The following SLC25A12 variants were observed in gnomAD, a reference collection of about 807,000 sequenced individuals.
The protein encoded by SLC25A12 is solute carrier family 25 member 12.
Under a neutral mutation model 83.3 loss-of-function variants are expected in SLC25A12, and 32 were observed. The observed-to-expected ratio is 0.38, with a 90% CI of 0.29 to 0.52. SLC25A12 has a LOEUF of 0.52. SLC25A12 is among the 20% of genes least tolerant of loss of function. The pLI is 0.84. For synonymous variants in SLC25A12, 267 were observed against 291.1 expected, an observed-to-expected ratio of 0.92 and a Z score of 0.84; for missense variants, 611 against 835.6, an observed-to-expected ratio of 0.73 and a Z score of 3.31.
At chr2:171,843,940 C>T (rs902716101) in intron 5 of SLC25A12, among the ~76,000 whole-genome samples, 2 of 151,860 alleles carry the variant, frequency 1.3e-5, no homozygotes, top group Admixed American at 6.6e-5. Context: ...GGACTACAGG[C>T]GCCCGCCACC....
chr2:171,832,507 G>A (rs1684462785), intron 8 of SLC25A12, among the ~76,000 whole-genome samples: 1 of 152,130 alleles, frequency 6.6e-6, no homozygotes, highest in African/African-American at 2.4e-5. Flanking sequence ...TCAGCCAACT[G>A]GATTGGAAGC....
intron 3 of SLC25A12, among the ~76,000 whole-genome samples, chr2:171,868,407 G>A (rs1456929456): frequency 6.8e-6 from 1 of 146,114 alleles, no homozygotes; most frequent in Non-Finnish European, 1.5e-5. Flanking sequence ...TCCACCTCCC[G>A]GATTCAAGCG....
chr2:171,815,953 T>C (rs1275001167), intron 9 of SLC25A12, among the ~76,000 whole-genome samples: 1 of 151,778 alleles, frequency 6.6e-6, no homozygotes, highest in Non-Finnish European at 1.5e-5. Flanking sequence ...CATTATAAAA[T>C]TACACATAAG....
chr2:171,837,529 AG>A (rs1684584741), intron 5 of SLC25A12, among the ~76,000 whole-genome samples: 1 of 152,238 alleles, frequency 6.6e-6, no homozygotes, highest in Non-Finnish European at 1.5e-5. Flanking sequence ...AATAACCCTT[AG>A]ATTTTACTTG....
intron 8 of SLC25A12, among the ~76,000 whole-genome samples, chr2:171,828,553 G>A (rs1346993200): frequency 6.6e-6 from 1 of 152,024 alleles, no homozygotes; most frequent in African/African-American, 2.4e-5. Context: ...TTATAGAATG[G>A]CCTGCCCTTA....
intron 9 of SLC25A12, 31 bp from the exon 10 acceptor site, chr2:171,815,233 C>T (rs780107297): frequency 1.4e-6 from 2 of 1,467,116 alleles, no homozygotes; most frequent in African/African-American, 2.8e-5. Flanking sequence ...AAAAAAAAAT[C>T]TTGAAAGCGC....
intron 2 of SLC25A12, among the ~76,000 whole-genome samples, chr2:171,886,610 C>T (rs956740150): frequency 7.8e-4 from 118 of 151,806 alleles, no homozygotes; most frequent in African/African-American, 2.6e-3. Context: ...CCCAGGTTCA[C>T]GCCATTCTCC....
At chr2:171,841,498 G>A (rs1684672088) in intron 5 of SLC25A12, among the ~76,000 whole-genome samples, 1 of 151,574 alleles carries the variant, frequency 6.6e-6, no homozygotes, top group Non-Finnish European at 1.5e-5. Flanking sequence ...CTCACCTCCT[G>A]AGTAGCTGGG....
chr2:171,852,187 T>C (rs1684948971), intron 4 of SLC25A12, among the ~76,000 whole-genome samples: 1 of 152,238 alleles, frequency 6.6e-6, no homozygotes, highest in South Asian at 2.1e-4. Flanking sequence ...CGTTCTGAAA[T>C]GGATTTCCAA....
At chr2:171,795,046 AC>A (rs931073346) in intron 13 of SLC25A12, among the ~76,000 whole-genome samples, 2 of 151,824 alleles carry the variant, frequency 1.3e-5, no homozygotes, top group African/African-American at 4.8e-5. Flanking sequence ...TCCCCCAACT[AC>A]CCCTATTCCA....
intron 8 of SLC25A12, among the ~76,000 whole-genome samples, chr2:171,829,247 T>C (rs1684380267): frequency 6.6e-6 from 1 of 152,312 alleles, no homozygotes; most frequent in African/African-American, 2.4e-5. Context: ...AACACCATCC[T>C]GCAATTAGAC....
At chr2:171,838,254 A>T (rs1684599483) in intron 5 of SLC25A12, among the ~76,000 whole-genome samples, 1 of 152,184 alleles carries the variant, frequency 6.6e-6, no homozygotes, top group African/African-American at 2.4e-5. Context: ...CATGACATTA[A>T]AAGTAGTTTT....
Position 171,833,988 on chromosome 2 carries a change from G to T in SLC25A12, c.820C>A (p.Leu274Ile). 1 of 1,595,754 alleles carries T rather than the reference G, an allele frequency of 6.3e-7. No homozygotes were observed. The highest frequency in any genetic ancestry group is 8.6e-7 in the Non-Finnish European group (1 of 1,163,540). ...TPLEIDILYQ[L>I]ADLYNASGRL... Reference sequence around the variant, plus strand: ...CCTGAAGCATTATATAAGTCTGCAAGCTGATATAGAATATCAATTTCTAGT... The same window carrying T: ...CCTGAAGCATTATATAAGTCTGCAATCTGATATAGAATATCAATTTCTAGT... Residue 274 changes from leucine (L) to isoleucine (I), a missense_variant, in exon 8 of 18, where the codon CTT becomes ATT. By Grantham distance (5) the Leu-to-Ile change is conservative. Transcript: ENST00000422440.
At chr2:171,867,495 T>C (rs545105588) in intron 3 of SLC25A12, among the ~76,000 whole-genome samples, 1 of 149,776 alleles carries the variant, frequency 6.7e-6, no homozygotes, top group Non-Finnish European at 1.5e-5. Flanking sequence ...CAGTCAGGTG[T>C]GGCGGCGTGC....
intron 13 of SLC25A12, 166 bp downstream of exon 13, chr2:171,809,440 G>A (rs997843109): frequency 1.2e-5 from 8 of 669,626 alleles, no homozygotes; most frequent in Admixed American, 2.5e-5. Flanking sequence ...CTCAAAACCC[G>A]TTAGCTTTTA....
chr2:171,883,327 C>G (rs1443560415), intron 2 of SLC25A12, among the ~76,000 whole-genome samples: 1 of 152,154 alleles, frequency 6.6e-6, no homozygotes, highest in African/African-American at 2.4e-5. Flanking sequence ...CCTTCTTAGA[C>G]AGATGAGAAA....
intron 15 of SLC25A12, among the ~76,000 whole-genome samples, chr2:171,789,964 C>A (rs1022414137): frequency 1.3e-5 from 2 of 152,008 alleles, no homozygotes; most frequent in Admixed American, 6.5e-5. Flanking sequence ...ACTGCCAAGA[C>A]TGAGCAGGTA....
chr2:171,839,459 G>A (rs1684626670), intron 5 of SLC25A12, among the ~76,000 whole-genome samples: 1 of 152,176 alleles, frequency 6.6e-6, no homozygotes, highest in Non-Finnish European at 1.5e-5. Flanking sequence ...TATGCTGAAG[G>A]GAAAGATCCT....
chr2:171,806,874 A>G (rs2105855323), intron 13 of SLC25A12, among the ~76,000 whole-genome samples: 1 of 152,322 alleles, frequency 6.6e-6, no homozygotes, highest in South Asian at 2.1e-4. Flanking sequence ...ACTACTCAGG[A>G]TGATGAAGAC....
Sources: gnomAD v4.1 joint callset for allele counts (sites outside exome capture counted in the v4.1 genomes callset) on GRCh38, gnomAD v4.1.1 for gene constraint, MANE v1.5 for transcripts, NCBI Gene and HGNC (gene_info 2026-07-23, HGNC 2026-07-21) for gene names.